PRKAG2: variants seen among roughly 807,000 people sequenced by gnomAD.
PRKAG2 encodes 5'-AMP-activated protein kinase subunit gamma-2.
In PRKAG2, 26 loss-of-function variants were observed where a neutral mutation model predicts 69.6. The observed-to-expected ratio is 0.37, with a 90% CI of 0.27 to 0.52. PRKAG2 has a LOEUF of 0.52. Ranked by LOEUF, PRKAG2 falls within the 20% of genes least tolerant of loss-of-function variation. The pLI, the probability that PRKAG2 is intolerant of heterozygous loss-of-function variation, is 0.90. For missense variants in PRKAG2, 557 were observed against 740.0 expected (o/e 0.75, Z 2.87); for synonymous variants, 293 against 285.0 (o/e 1.03, Z -0.28).
rs180945787 is a variant in PRKAG2, at chr7:151,819,169, G to A, written c.115-32628C>T. Among the ~76,000 whole-genome samples the A allele has an allele frequency of 2.4e-3, 371 of 152,250 alleles. 2 individuals are homozygous for A. Among genetic ancestry groups the A allele is most frequent in the Non-Finnish European group, 2.7e-3 (182 of 68,010 alleles). The stretch of plus-strand genomic sequence containing the variant: ...AGCCCCGGTGACCTGGACGCTATTG[G>A]TCTTCATCCTCCACCTCCGAGGACC... On this transcript the variant is annotated intron_variant, in intron 1 of 15. Transcript: ENST00000287878.
At chr7:151,597,899 G>A (rs1387993283) in intron 5 of PRKAG2, among the ~76,000 whole-genome samples, 2 of 144,976 alleles carry the variant, frequency 1.4e-5, no homozygotes, top group Non-Finnish European at 3.0e-5. Flanking sequence ...AAACAGTACA[G>A]AGGTTCCTCA....
In PRKAG2 at chr7:151,610,356, G is replaced by A. The variant is rs576108976; in HGVS notation, c.755-14902C>T. On this transcript the variant is annotated intron_variant, in intron 5 of 15. Transcript: ENST00000287878. Reference sequence around the variant, plus strand: ...TGCACTCCAGCCTGGGCGACAGAGCGAGTCTTCATTTCAAAACAAACAAAC... The same window carrying A: ...TGCACTCCAGCCTGGGCGACAGAGCAAGTCTTCATTTCAAAACAAACAAAC... Among the ~76,000 whole-genome samples the A allele has an allele frequency of 4.0e-3, 612 of 152,048 alleles. 5 individuals are homozygous for A. Among genetic ancestry groups the A allele is most frequent in the African/African-American group, 0.014 (563 of 41,458 alleles).
Position 151,675,656 on chromosome 7 carries a change from G to C in PRKAG2, c.467-19C>G, listed in dbSNP as rs962507491. On this transcript the variant is annotated intron_variant, in intron 3 of 15. Coordinates refer to ENST00000287878, the MANE Select transcript of PRKAG2 (RefSeq NM_016203.4). ...CCGGAGGCTGCAGAAGAAACACCAAGGACGGTCAGAGGTCCGGCTTCCAGG... is the reference window on the plus strand; with the variant it reads ...CCGGAGGCTGCAGAAGAAACACCAACGACGGTCAGAGGTCCGGCTTCCAGG... The C allele has an allele frequency of 4.4e-6, 7 of 1,599,414 alleles. No homozygotes were observed. Among genetic ancestry groups the C allele is most frequent in the African/African-American group, 1.3e-5 (1 of 74,598 alleles).
intron 1 of PRKAG2, among the ~76,000 whole-genome samples, chr7:151,824,875 T>C (rs1282582993): frequency 1.3e-5 from 2 of 152,202 alleles, no homozygotes; most frequent in African/African-American, 2.4e-5. Flanking sequence ...CTTCTGAGTC[T>C]ATTCCCTAAT....
At chr7:151,625,583 C>A (rs989432395) in intron 5 of PRKAG2, among the ~76,000 whole-genome samples, 1 of 152,136 alleles carries the variant, frequency 6.6e-6, no homozygotes, top group African/African-American at 2.4e-5. Flanking sequence ...GCTGGGAGAG[C>A]TTGGCTGCTG....
chr7:151,658,482 C>CACAAAA (rs1829835999), intron 4 of PRKAG2, among the ~76,000 whole-genome samples: 2 of 105,510 alleles, frequency 1.9e-5, no homozygotes, highest in Non-Finnish European at 4.1e-5. Flanking sequence ...AAGATTGTCG[C>CACAAAA]AAAAAAAAAA....
Position 151,850,871 on chromosome 7 carries a change from G to A in PRKAG2, c.114+25636C>T, listed in dbSNP as rs1313383225. On this transcript the variant is annotated intron_variant, in intron 1 of 15. Transcript: ENST00000287878. The surrounding 1 kb of genome is among the most constrained non-coding windows in gnomAD (Gnocchi z 4.1). ...GTCACTGATGGTGTCACTGAAAGCC[G>A]AGTCTGACAACACGGAATAAGAAGT... Among the ~76,000 whole-genome samples, 5 of 152,192 alleles carry A rather than the reference G, an allele frequency of 3.3e-5. No homozygotes were observed. Among genetic ancestry groups the A allele is most frequent in the Admixed American group, 6.5e-5 (1 of 15,282 alleles).
intron 3 of PRKAG2, among the ~76,000 whole-genome samples, chr7:151,714,822 C>A (rs1417838046): frequency 6.6e-6 from 1 of 151,388 alleles, no homozygotes; most frequent in East Asian, 2.0e-4. Flanking sequence ...TGATGGCACA[C>A]ACCTGTAATC....
chr7:151,668,519 T>C lies in PRKAG2; in HGVS notation c.684+6901A>G, dbSNP rs11761814. 7.4e-3 allele frequency among the ~76,000 whole-genome samples: 1,124 copies of C among 152,354 alleles called. 10 individuals carry two copies. The highest frequency in any genetic ancestry group is 0.011 in the Non-Finnish European group (729 of 68,034). On this transcript the variant is annotated intron_variant, in intron 4 of 15. Transcript: ENST00000287878. ...TGGTGCACCCAGCTGCTGCAGAAGC[T>C]GCTACCGATGGCTCACACCTGCAAC...
At chr7:151,573,241 T>G (rs1201994528) in intron 8 of PRKAG2, among the ~76,000 whole-genome samples, 3 of 149,746 alleles carry the variant, frequency 2.0e-5, no homozygotes, top group Non-Finnish European at 4.4e-5. Flanking sequence ...CACTGCAGCC[T>G]CAACCTCCCA....
At chr7:151,657,808 G>A (rs1267564258) in intron 4 of PRKAG2, among the ~76,000 whole-genome samples, 1 of 152,192 alleles carries the variant, frequency 6.6e-6, no homozygotes, top group Non-Finnish European at 1.5e-5. Flanking sequence ...GAAGTCAAAT[G>A]TGTCAAATGC....
chr7:151,717,115 C>T (rs977145061), intron 3 of PRKAG2, among the ~76,000 whole-genome samples: 7 of 152,076 alleles, frequency 4.6e-5, no homozygotes, highest in Admixed American at 2.6e-4. Context: ...AGTTGGGTGA[C>T]GCATGCCTGT....
At chr7:151,651,687 G>A (rs1244871506) in intron 4 of PRKAG2, among the ~76,000 whole-genome samples, 2 of 152,198 alleles carry the variant, frequency 1.3e-5, no homozygotes, top group African/African-American at 4.8e-5. Context: ...GCTCCGAAAA[G>A]TTCAATGATA....
rs2076643908 is a variant in PRKAG2 at position 151,781,096 on chromosome 7, A to G, written c.466+56T>C. 3 of 1,606,852 alleles carry G rather than the reference A, an allele frequency of 1.9e-6. No homozygotes were observed. In the African/African-American group the frequency reaches 4.0e-5, roughly 21 times the overall value. On this transcript the variant is annotated intron_variant, in intron 3 of 15. Coordinates refer to ENST00000287878, the MANE Select transcript of PRKAG2 (RefSeq NM_016203.4). This position sits in a 1 kb window ranked among gnomAD's most constrained non-coding sequence, Gnocchi z 6.1. ...GGTGCCACCGTGGATGTGTGGCTGC[A>G]GAAGAGACCCCCAGCACCCCAGCAC...
At chr7:151,635,475 G>A (rs1825572513) in intron 4 of PRKAG2, among the ~76,000 whole-genome samples, 1 of 152,110 alleles carries the variant, frequency 6.6e-6, no homozygotes, top group Non-Finnish European at 1.5e-5. Context: ...GCTGTGGTAG[G>A]TCCATCTATA....
intron 5 of PRKAG2, among the ~76,000 whole-genome samples, chr7:151,623,363 CAAAAAAAA>C (rs71198724): frequency 4.4e-4 from 16 of 36,674 alleles, no homozygotes; most frequent in Admixed American, 5.1e-4. Context: ...GACTCTGTCT[CAAAAAAAA>C]AAAAAAAAAA....
intron 3 of PRKAG2, among the ~76,000 whole-genome samples, chr7:151,712,979 G>C (rs987181981): frequency 6.6e-6 from 1 of 152,216 alleles, no homozygotes; most frequent in African/African-American, 2.4e-5. Context: ...CTGTGTGCTT[G>C]GAACGTGCCA....
chr7:151,806,823 T>G, intron 1 of PRKAG2: 1 of 368,410 alleles, frequency 2.7e-6, no homozygotes, highest in Admixed American at 3.7e-5. Context: ...AAAAGTTAGC[T>G]GGGCGTGTTG....
rs958368906 is a variant in PRKAG2, at chr7:151,706,048, T to C, written c.467-30411A>G. 4.5e-4 allele frequency among the ~76,000 whole-genome samples: 68 copies of C among 152,300 alleles called. 4 individuals are homozygous for C. The highest frequency in any genetic ancestry group is 1.3e-4 in the Non-Finnish European group (9 of 68,034). The stretch of plus-strand genomic sequence containing the variant: ...ACGACAGGTATGTGAAACCATGTTG[T>C]ACCCTGCAAAGCATGTTGAAAATGC... On this transcript the variant is annotated intron_variant, in intron 3 of 15. Transcript: ENST00000287878.
Sources: gnomAD v4.1 joint callset for allele counts (sites outside exome capture counted in the v4.1 genomes callset) on GRCh38, gnomAD v4.1.1 for gene constraint, Gnocchi (gnomAD v3.1) non-coding constraint, MANE v1.5 for transcripts, NCBI Gene and HGNC (gene_info 2026-07-23, HGNC 2026-07-21) for gene names.